Variants in RAB3GAP1 observed in about 807,000 individuals in gnomAD.
RAB3GAP1 encodes the protein rab3 GTPase-activating protein catalytic subunit.
RAB3GAP1 carries 86 observed loss-of-function variants against 130.7 expected under a neutral mutation model. That is an observed-to-expected ratio of 0.66 (90% CI 0.55 to 0.79). RAB3GAP1 has a LOEUF of 0.79. Ranked by LOEUF, RAB3GAP1 falls within the 30% of genes least tolerant of loss-of-function variation. RAB3GAP1 has a pLI of 0.00. For missense variants in RAB3GAP1, 1,029 were observed against 1,169.4 expected (o/e 0.88, Z 1.75); for synonymous variants, 367 against 401.7 (o/e 0.91, Z 1.03).
intron 17 of RAB3GAP1, among the ~76,000 whole-genome samples, chr2:135,138,159 G>A (rs1297267412): frequency 6.6e-6 from 1 of 151,436 alleles, no homozygotes; most frequent in East Asian, 1.9e-4. Flanking sequence ...TTGTAATCTA[G>A]TAAAAATGAA....
At chr2:135,132,371 G>A (rs773625481) in intron 13 of RAB3GAP1, among the ~76,000 whole-genome samples, 32 of 152,184 alleles carry the variant, frequency 2.1e-4, no homozygotes, top group Middle Eastern at 6.8e-3. Context: ...CATGGAAAAG[G>A]TACATTGGTT....
chr2:135,121,060 C>A, intron 8 of RAB3GAP1, 142 bp downstream of exon 8: 1 of 714,774 alleles, frequency 1.4e-6, no homozygotes. Context: ...AATATTATTG[C>A]TTTCATTGCC....
At chr2:135,074,511 C>CG (rs1558763111) in intron 3 of RAB3GAP1, among the ~76,000 whole-genome samples, 1 of 152,164 alleles carries the variant, frequency 6.6e-6, no homozygotes, top group African/African-American at 2.4e-5. Flanking sequence ...GATTGGGTGG[C>CG]GGGTCAGACA....
intron 23 of RAB3GAP1, among the ~76,000 whole-genome samples, chr2:135,168,156 C>G (rs1692716368): frequency 1.3e-5 from 2 of 152,188 alleles, no homozygotes; most frequent in African/African-American, 2.4e-5. Context: ...TGAAAATCAT[C>G]TTTTCACTCT....
rs1691512916 is a variant in RAB3GAP1, at chr2:135,130,734, T to C, written c.1236+13T>C. ...TACTATTCTCCTGGTAACTAAATGT[T>C]CTGTCTTTATAGGTCTATATGCAGA... is the stretch of plus-strand genomic sequence containing the variant. On this transcript the variant is annotated intron_variant, in intron 13 of 23. Coordinates refer to ENST00000264158, the MANE Select transcript of RAB3GAP1 (RefSeq NM_012233.3). The C allele has an allele frequency of 6.2e-7, 1 of 1,603,028 alleles. No individual in the cohort carries two copies. Among genetic ancestry groups the C allele is most frequent in the East Asian group, 2.2e-5 (1 of 44,788 alleles).
rs369058112 is a variant in RAB3GAP1 at position 135,127,383 on chromosome 2, G to A, written c.973+727G>A. Among the ~76,000 whole-genome samples, 95 of 150,194 alleles carry A rather than the reference G, an allele frequency of 6.3e-4. 1 individual carries two copies. Among genetic ancestry groups the A allele is most frequent in the African/African-American group, 2.0e-3 (81 of 40,820 alleles). ...TTTTGAGAGGGAGTCTCACCCTGTC[G>A]CCCAGGCTGGAGTGCAGTGGCGCGA... On this transcript the variant is annotated intron_variant, in intron 11 of 23. Transcript: ENST00000264158.
downstream of RAB3GAP1, among the ~76,000 whole-genome samples, chr2:135,172,715 A>C (rs1692890633): frequency 6.6e-6 from 1 of 152,186 alleles, no homozygotes; most frequent in Non-Finnish European, 1.5e-5. Flanking sequence ...GACAGGGAAG[A>C]GCAAGTTGTG....
chr2:135,064,819 G>A (rs1028202603), intron 3 of RAB3GAP1, among the ~76,000 whole-genome samples: 1 of 138,668 alleles, frequency 7.2e-6, no homozygotes, highest in Admixed American at 7.5e-5. Context: ...ATTATGAAAT[G>A]TAGAGACGAA....
intron 14 of RAB3GAP1, 78 bp from the exon 15 acceptor site, chr2:135,133,783 C>G (rs1394456752): frequency 5.5e-6 from 7 of 1,278,618 alleles, no homozygotes; most frequent in Admixed American, 1.7e-5. Flanking sequence ...ATTAAAATCT[C>G]TCCCTACGAC....
At chr2:135,091,474 G>T (rs62170160) in intron 4 of RAB3GAP1, among the ~76,000 whole-genome samples, 6,375 of 151,818 alleles carry the variant, frequency 0.042, 158 homozygotes, top group African/African-American at 0.055. Flanking sequence ...GAGGAGAAAA[G>T]ATCACTTTTA....
chr2:135,070,784 G>A (rs1386142524), intron 3 of RAB3GAP1, among the ~76,000 whole-genome samples: 2 of 152,172 alleles, frequency 1.3e-5, no homozygotes, highest in Middle Eastern at 3.4e-3. Context: ...GAGCCACCAC[G>A]CCCGGCCTGT....
intron 3 of RAB3GAP1, among the ~76,000 whole-genome samples, chr2:135,085,625 T>C (rs903868984): frequency 6.6e-6 from 1 of 152,220 alleles, no homozygotes; most frequent in African/African-American, 2.4e-5. Flanking sequence ...TGCCAAATTA[T>C]GATAATTAGT....
chr2:135,131,786 T>A, intron 13 of RAB3GAP1, among the ~76,000 whole-genome samples: 1 of 152,230 alleles, frequency 6.6e-6, no homozygotes, highest in Non-Finnish European at 1.5e-5. Context: ...GATTAAAGGA[T>A]CTTCTGTGAC....
chr2:135,152,378 A>T (rs1692201270), intron 18 of RAB3GAP1, among the ~76,000 whole-genome samples: 3 of 152,262 alleles, frequency 2.0e-5, no homozygotes, highest in Non-Finnish European at 4.4e-5. Flanking sequence ...TAGTAAGGAC[A>T]ACCAGAAAGA....
At chr2:135,082,847 G>T (rs530295949) in intron 3 of RAB3GAP1, among the ~76,000 whole-genome samples, 1 of 152,124 alleles carries the variant, frequency 6.6e-6, no homozygotes, top group South Asian at 2.1e-4. Context: ...TCCTTGGGGG[G>T]ATTGGTTCCA....
At chr2:135,063,226 A>C (rs1414291551) in intron 3 of RAB3GAP1, among the ~76,000 whole-genome samples, 1 of 151,950 alleles carries the variant, frequency 6.6e-6, no homozygotes, top group East Asian at 1.9e-4. Context: ...TAGTCAAGTT[A>C]GTAAAATCTT....
chr2:135,117,708 TCTG>T (rs1279407484), intron 7 of RAB3GAP1, among the ~76,000 whole-genome samples: 32 of 137,296 alleles, frequency 2.3e-4, no homozygotes, highest in Non-Finnish European at 3.5e-4. Context: ...TTCTTCTGCT[TCTG>T]CTTCTTCTTC....
chr2:135,164,846 T>A, intron 23 of RAB3GAP1, 150 bp downstream of exon 23: 1 of 651,600 alleles, frequency 1.5e-6, no homozygotes, highest in South Asian at 1.6e-5. Context: ...AAACAATGAC[T>A]TCTGAGTCTT....
rs918030335 is a variant in RAB3GAP1 at position 135,052,313 on chromosome 2, T to G, written c.6T>G (p.Ala2=). 6.2e-7 allele frequency: 1 copy of G among 1,613,840 alleles called. No individual in the cohort carries two copies. Among genetic ancestry groups the G allele is most frequent in the Non-Finnish European group, 8.5e-7 (1 of 1,180,042 alleles). The part of the protein sequence containing the change: M[A]ADSEPESEVF... Reference sequence around the variant, plus strand: ...CAGGCCCGGCGCTCCTCAAGATGGCTGCCGACAGTGAGGTGATTTCTTTGC... The same window carrying G: ...CAGGCCCGGCGCTCCTCAAGATGGCGGCCGACAGTGAGGTGATTTCTTTGC... Residue 2 remains alanine (A), a synonymous_variant, in exon 1 of 24, where the codon GCT becomes GCG. Coordinates refer to ENST00000264158, the MANE Select transcript of RAB3GAP1 (RefSeq NM_012233.3).
Sources: allele counts gnomAD v4.1 joint callset (sites outside exome capture counted in the v4.1 genomes callset), GRCh38; gene constraint gnomAD v4.1.1; transcripts MANE v1.5; gene names NCBI Gene and HGNC (gene_info 2026-07-23, HGNC 2026-07-21).